Variants in CACNG4 observed in about 807,000 individuals in gnomAD.
CACNG4 encodes the protein voltage-dependent calcium channel gamma-4 subunit.
A neutral mutation model predicts 22.9 loss-of-function variants in CACNG4; 8 were observed. The ratio of observed to expected loss-of-function variants is 0.35; its 90% CI spans 0.21 to 0.63. CACNG4 has a LOEUF of 0.63. Among genes scored for constraint, CACNG4 ranks in the 30% least tolerant of loss-of-function variants. The pLI, the probability that CACNG4 is intolerant of heterozygous loss-of-function variation, is 0.72. For synonymous variants in CACNG4, 188 were observed against 191.9 expected (o/e 0.98, Z 0.17); for missense variants, 357 against 455.4 (o/e 0.78, Z 1.97).
At chr17:66,971,576 G>C (rs2035205106) in intron 1 of CACNG4, among the ~76,000 whole-genome samples, 1 of 152,190 alleles carries the variant, frequency 6.6e-6, no homozygotes, top group Non-Finnish European at 1.5e-5. Flanking sequence ...TTATGTTACG[G>C]TGAAAACAGA....
chr17:66,983,449 T>C (rs2035288287), intron 1 of CACNG4, among the ~76,000 whole-genome samples: 1 of 152,070 alleles, frequency 6.6e-6, no homozygotes. Context: ...AGGAGGAGTT[T>C]AGATGGGAAG....
chr17:66,974,685 G>C (rs1026560980), intron 1 of CACNG4, among the ~76,000 whole-genome samples: 1 of 152,158 alleles, frequency 6.6e-6, no homozygotes, highest in African/African-American at 2.4e-5. Flanking sequence ...CTATGAGGTG[G>C]AGACAATGAC....
intron 3 of CACNG4, among the ~76,000 whole-genome samples, chr17:67,029,906 T>G (rs1053623774): frequency 6.6e-6 from 1 of 152,206 alleles, no homozygotes; most frequent in Non-Finnish European, 1.5e-5. Flanking sequence ...GTTGTACCCA[T>G]GTGCACATGT....
intron 2 of CACNG4, among the ~76,000 whole-genome samples, chr17:67,023,612 C>T (rs1256506727): frequency 6.9e-6 from 1 of 145,542 alleles, no homozygotes; most frequent in Non-Finnish European, 1.5e-5. Flanking sequence ...ACTCTTGTCG[C>T]CCAGGCTGGA....
intron 1 of CACNG4, among the ~76,000 whole-genome samples, chr17:66,990,314 A>T (rs1262942838): frequency 6.6e-6 from 1 of 152,196 alleles, no homozygotes; most frequent in Non-Finnish European, 1.5e-5. Context: ...AGTTCACTGC[A>T]TGGCTATTTG....
intron 1 of CACNG4, among the ~76,000 whole-genome samples, chr17:67,008,271 C>T (rs1213618704): frequency 3.3e-5 from 5 of 152,316 alleles, no homozygotes; most frequent in East Asian, 3.9e-4. Context: ...CCTGGAGTTT[C>T]GCTCAGGAAC....
chr17:66,965,189 TACACACGCGCGCGCGCGCGCGCGCACAC>T, intron 1 of CACNG4, 58 bp downstream of exon 1: 1 of 952,424 alleles, frequency 1.0e-6, no homozygotes, highest in Non-Finnish European at 1.5e-6. Context: ...CACACACATA[TACACACGCGCGCGCGCGCGCGCGCACAC>T]ACACACACGC....
At chr17:66,976,280 C>T (rs951963271) in intron 1 of CACNG4, among the ~76,000 whole-genome samples, 2 of 152,090 alleles carry the variant, frequency 1.3e-5, no homozygotes, top group African/African-American at 2.4e-5. Flanking sequence ...TCGGTTTGCT[C>T]GGCTGTCAAA....
In CACNG4 at chr17:67,012,476, G is replaced by C. The variant is rs184012472; in HGVS notation, c.221-5713G>C. 1.6e-4 allele frequency among the ~76,000 whole-genome samples: 25 copies of C among 152,270 alleles called. No homozygotes were observed. In the East Asian group the frequency reaches 4.6e-3, roughly 28 times the overall value. ...TCGGGGAGGGGAGAGCCAATGCAAG[G>C]ATGTCCTGGGCTGATGATCACCTGG... On this transcript the variant is annotated intron_variant, in intron 1 of 3. Coordinates refer to ENST00000262138, the MANE Select transcript of CACNG4 (RefSeq NM_014405.4).
chr17:67,024,122 G>A (rs1254881101), intron 2 of CACNG4, among the ~76,000 whole-genome samples: 1 of 152,168 alleles, frequency 6.6e-6, no homozygotes, highest in African/African-American at 2.4e-5. Context: ...TGTGGGTCAC[G>A]AGCATCCCTC....
chr17:67,029,055 G>A (rs1157255629), intron 3 of CACNG4, among the ~76,000 whole-genome samples: 1 of 152,204 alleles, frequency 6.6e-6, no homozygotes, highest in African/African-American at 2.4e-5. Flanking sequence ...AGTAAAGGCT[G>A]GGCGTGGTGG....
chr17:67,020,560 C>A (rs1307434836), intron 2 of CACNG4, among the ~76,000 whole-genome samples: 1 of 152,204 alleles, frequency 6.6e-6, no homozygotes, highest in African/African-American at 2.4e-5. Flanking sequence ...GCTGAACTGA[C>A]TTCCCAACAG....
At chr17:66,977,618 C>T (rs1163522539) in intron 1 of CACNG4, among the ~76,000 whole-genome samples, 1 of 152,214 alleles carries the variant, frequency 6.6e-6, no homozygotes, top group Non-Finnish European at 1.5e-5. Context: ...TGAGATTGGA[C>T]ATGGGAAGCC....
At chr17:66,975,867 G>C (rs986500503) in intron 1 of CACNG4, among the ~76,000 whole-genome samples, 1 of 152,228 alleles carries the variant, frequency 6.6e-6, no homozygotes, top group Non-Finnish European at 1.5e-5. Context: ...GGCTGGGCTG[G>C]GGATGGCAGC....
rs1162310153 is a variant in CACNG4 at position 66,979,092 on chromosome 17, C to A, written c.220+13961C>A. On this transcript the variant is annotated intron_variant, in intron 1 of 3. Transcript: ENST00000262138. ...CAGTCTTCTTTGTGCTGCTGCCATT[C>A]GCACAGTCCCAGTCACCACACCCAC... Among the ~76,000 whole-genome samples, 3 of 152,282 alleles carry A rather than the reference C, an allele frequency of 2.0e-5. No homozygotes were observed. The East Asian group carries it at 5.8e-4, about 29-fold the overall frequency.
intron 1 of CACNG4, among the ~76,000 whole-genome samples, chr17:66,994,881 T>C (rs915286692): frequency 6.6e-6 from 1 of 151,996 alleles, no homozygotes; most frequent in Non-Finnish European, 1.5e-5. Flanking sequence ...AAGGGGGGAA[T>C]GGGGGCATTG....
intron 1 of CACNG4, among the ~76,000 whole-genome samples, chr17:66,967,185 C>T (rs1390974084): frequency 3.3e-5 from 5 of 152,208 alleles, no homozygotes; most frequent in South Asian, 2.1e-4. Context: ...CCAGCTGCCT[C>T]GAGCCATTTG....
chr17:67,025,164 G>A (rs1291051644), intron 3 of CACNG4, among the ~76,000 whole-genome samples, 164 bp downstream of exon 3: 2 of 152,244 alleles, frequency 1.3e-5, no homozygotes, highest in African/African-American at 4.8e-5. Flanking sequence ...AGGACTGGGG[G>A]TGGATGGAGA....
intron 1 of CACNG4, among the ~76,000 whole-genome samples, chr17:66,993,387 C>T (rs2035354145): frequency 6.6e-6 from 1 of 152,208 alleles, no homozygotes. Flanking sequence ...CCACTGAGGC[C>T]ATTCCCTATG....
Sources: gnomAD v4.1 joint callset for allele counts (sites outside exome capture counted in the v4.1 genomes callset) on GRCh38, gnomAD v4.1.1 for gene constraint, MANE v1.5 for transcripts, NCBI Gene and HGNC (gene_info 2026-07-23, HGNC 2026-07-21) for gene names.